Variants in GSE1 observed in about 807,000 individuals in gnomAD.
GSE1 encodes the protein Gse1 coiled-coil protein, also known as genetic suppressor element 1.
Under a neutral mutation model 112.6 loss-of-function variants are expected in GSE1, and 32 were observed. The ratio of observed to expected loss-of-function variants is 0.28; its 90% confidence interval spans 0.21 to 0.38. GSE1 has a LOEUF of 0.38. Ranked by LOEUF, GSE1 falls within the 10% of genes least tolerant of loss-of-function variation. GSE1 has a pLI of 1.00. For missense variants in GSE1, 2,348 were observed against 1,699.2 expected (o/e 1.38, Z -6.71); for synonymous variants, 1,115 against 735.6 (o/e 1.52, Z -8.35).
At chr16:85,225,506 C>T (rs186425947) in intron 1 of GSE1, among the ~76,000 whole-genome samples, 80 of 152,278 alleles carry the variant, frequency 5.3e-4, no homozygotes, top group African/African-American at 1.7e-3. Context: ...GCTCACACTC[C>T]GTGAGAAGGG....
intron 1 of GSE1, among the ~76,000 whole-genome samples, chr16:85,562,273 GT>G (rs2045556346): frequency 6.6e-6 from 1 of 152,236 alleles, no homozygotes; most frequent in Non-Finnish European, 1.5e-5. Context: ...GGCCGCCACG[GT>G]TCCATCTGTC....
chr16:85,497,049 C>G lies in GSE1; in HGVS notation c.2465-136865C>G, dbSNP rs188039752. Among the ~76,000 whole-genome samples the G allele has an allele frequency of 5.3e-3, 808 of 152,316 alleles. 9 individuals are homozygous for G. The highest frequency in any genetic ancestry group is 0.018 in the African/African-American group (768 of 41,562). On this transcript the variant is annotated intron_variant, in intron 2 of 2. Transcript: ENST00000637419. ...GAGTAGCTGGGATCACAGGCACGTG[C>G]CACCACGCCCCGCTAAGTTTTGTAT...
upstream of GSE1, among the ~76,000 whole-genome samples, chr16:85,612,528 G>A (rs2048060209): frequency 6.6e-6 from 1 of 151,886 alleles, no homozygotes; most frequent in Non-Finnish European, 1.5e-5. Context: ...GCGCCTCCGT[G>A]GGTTCTCCAG....
intron 1 of GSE1, among the ~76,000 whole-genome samples, chr16:85,617,477 C>T (rs552440788): frequency 1.3e-5 from 2 of 152,182 alleles, no homozygotes; most frequent in South Asian, 4.2e-4. Context: ...GGGGTCTCTC[C>T]TGGCTGCACT....
chr16:85,655,714 T>A lies in GSE1; in HGVS notation c.798-12T>A. The A allele has an allele frequency of 6.4e-7, 1 of 1,573,268 alleles. No individual in the cohort carries two copies. Among genetic ancestry groups the A allele is most frequent in the Non-Finnish European group, 8.7e-7 (1 of 1,155,880 alleles). ...TTCATTTGCTGCTCACAGCCCCGTC[T>A]TCTCTGCACAGGATGGACGACTCCT... On this transcript the variant is annotated splice_polypyrimidine_tract_variant and intron_variant, in intron 5 of 15. Transcript: ENST00000253458.
intron 2 of GSE1, among the ~76,000 whole-genome samples, chr16:85,436,989 G>C (rs941808281): frequency 1.3e-5 from 2 of 152,218 alleles, no homozygotes; most frequent in East Asian, 1.9e-4. Flanking sequence ...AGGTCGACGC[G>C]GCGGAGCCCG....
At chr16:85,611,196 C>T (rs1159270682), upstream of GSE1, among the ~76,000 whole-genome samples, 1 of 152,116 alleles carries the variant, frequency 6.6e-6, no homozygotes, top group Non-Finnish European at 1.5e-5. Flanking sequence ...TGGGCCAGTC[C>T]CGGAGGTGAA....
intron 2 of GSE1, among the ~76,000 whole-genome samples, chr16:85,527,209 T>C (rs1424357494): frequency 6.6e-6 from 1 of 152,238 alleles, no homozygotes; most frequent in East Asian, 1.9e-4. Flanking sequence ...TGCCTGGGCT[T>C]GTCTCCCCAC....
At chr16:85,499,673 A>C (rs2051299627) in intron 2 of GSE1, among the ~76,000 whole-genome samples, 2 of 152,192 alleles carry the variant, frequency 1.3e-5, no homozygotes, top group Non-Finnish European at 2.9e-5. Flanking sequence ...GCACTTAGAA[A>C]TGGCAAAGAT....
upstream of GSE1, chr16:85,555,893 C>A: frequency 3.6e-5 from 28 of 777,290 alleles, no homozygotes; most frequent in Non-Finnish European, 4.4e-5. Flanking sequence ...CCCTCACCTC[C>A]CCCCTTTATT....
chr16:85,426,137 G>C (rs1191838906), intron 2 of GSE1, among the ~76,000 whole-genome samples: 1 of 148,824 alleles, frequency 6.7e-6, no homozygotes, highest in Non-Finnish European at 1.5e-5. Flanking sequence ...GTAGATGTAT[G>C]TATGGATGGA....
At chr16:85,195,482 C>T (rs756621457) in intron 1 of GSE1, among the ~76,000 whole-genome samples, 13 of 152,152 alleles carry the variant, frequency 8.5e-5, no homozygotes, top group African/African-American at 2.9e-4. Flanking sequence ...TCACTTGCCT[C>T]GAGTCACGCA....
At chr16:85,214,712 G>A (rs532249637) in intron 1 of GSE1, among the ~76,000 whole-genome samples, 2 of 152,336 alleles carry the variant, frequency 1.3e-5, no homozygotes, top group South Asian at 2.1e-4. Flanking sequence ...CCCTCTCACA[G>A]ACCGCGTGGG....
intron 2 of GSE1, among the ~76,000 whole-genome samples, chr16:85,500,848 C>G (rs1039933646): frequency 6.6e-6 from 1 of 152,168 alleles, no homozygotes; most frequent in African/African-American, 2.4e-5. Flanking sequence ...AAGGGAGGAT[C>G]CTTCTTCGCC....
At chr16:85,339,567 G>A (rs1274437030) in intron 1 of GSE1, among the ~76,000 whole-genome samples, 4 of 143,748 alleles carry the variant, frequency 2.8e-5, no homozygotes, top group Admixed American at 2.2e-4. Flanking sequence ...TAAAATTGCT[G>A]TCTTCTCAAT....
intron 2 of GSE1, among the ~76,000 whole-genome samples, chr16:85,478,929 C>CTTTCTT (rs2050580614): frequency 7.7e-5 from 1 of 12,908 alleles, no homozygotes; most frequent in Non-Finnish European, 1.5e-4. Flanking sequence ...CTTTCTTTCT[C>CTTTCTT]TTTCTTTCTT....
chr16:85,288,402 C>T (rs1002378720), intron 1 of GSE1, among the ~76,000 whole-genome samples: 2 of 152,166 alleles, frequency 1.3e-5, no homozygotes, highest in African/African-American at 4.8e-5. Context: ...GGCAAAGAGA[C>T]CCAGGGCATA....
chr16:85,417,619 G>A (rs527691664), intron 2 of GSE1, among the ~76,000 whole-genome samples: 6 of 152,204 alleles, frequency 3.9e-5, no homozygotes, highest in Admixed American at 6.5e-5. Flanking sequence ...GGCCCAGGCC[G>A]CTTTGGCTGC....
intron 1 of GSE1, among the ~76,000 whole-genome samples, chr16:85,326,353 G>A (rs2046228304): frequency 6.6e-6 from 1 of 152,178 alleles, no homozygotes; most frequent in African/African-American, 2.4e-5. Flanking sequence ...CTGTAAAATG[G>A]GGATGATTGT....
Sources: allele counts gnomAD v4.1 joint callset (sites outside exome capture counted in the v4.1 genomes callset), GRCh38; gene constraint gnomAD v4.1.1; transcripts MANE v1.5; gene names NCBI Gene and HGNC (gene_info 2026-07-23, HGNC 2026-07-21).